DENND4C: variants seen among roughly 807,000 people sequenced by gnomAD.
The protein encoded by DENND4C is DENN domain containing 4C.
A neutral mutation model predicts 203.0 loss-of-function variants in DENND4C; 108 were observed. The observed-to-expected ratio is 0.53, with a 90% CI of 0.46 to 0.62. The LOEUF is 0.62. Among genes scored for constraint, DENND4C ranks in the 20% least tolerant of loss-of-function variants. The pLI is 0.00. For missense variants in DENND4C, 2,481 were observed against 2,301.2 expected, an observed-to-expected ratio of 1.08 and a Z score of -1.60; for synonymous variants, 871 against 792.4, an observed-to-expected ratio of 1.10 and a Z score of -1.67.
At chr9:19,282,260 A>G (rs1409783886) in intron 2 of DENND4C, among the ~76,000 whole-genome samples, 1 of 151,274 alleles carries the variant, frequency 6.6e-6, no homozygotes, top group Non-Finnish European at 1.5e-5. Flanking sequence ...TTATTCTTTT[A>G]TTTTTTATTT....
At chr9:19,326,248 T>G in intron 15 of DENND4C, 54 bp downstream of exon 15, 1 of 1,538,942 alleles carries the variant, frequency 6.5e-7, no homozygotes, top group East Asian at 2.3e-5. Flanking sequence ...TTTCTTTTAA[T>G]TTTTATTAGT....
At chr9:19,270,315 A>G (rs748983527) in intron 1 of DENND4C, among the ~76,000 whole-genome samples, 1 of 152,142 alleles carries the variant, frequency 6.6e-6, no homozygotes, top group African/African-American at 2.4e-5. Flanking sequence ...CGGGTTGTGA[A>G]TCTAGCCAGG....
rs754928464 is a variant in DENND4C, at chr9:19,346,920, A to G, written c.4151A>G (p.His1384Arg). ...TCAGCACTGGTGCGTTCTTCGCCAC[A>G]TGGCTCGTTGGGTTCTGTAGTAAAT... ...SLSALVRSSP[H>R]GSLGSVVNSL... Residue 1384 changes from histidine to arginine, a missense_variant, in exon 23 of 33, where the codon CAT becomes CGT. Transcript: ENST00000434457. 1.9e-6 allele frequency: 3 copies of G among 1,614,188 alleles called. No individual in the cohort carries two copies. Among genetic ancestry groups the G allele is most frequent in the Middle Eastern group, 1.6e-4 (1 of 6,062 alleles).
intron 12 of DENND4C, among the ~76,000 whole-genome samples, chr9:19,320,303 A>G (rs1209226413): frequency 1.3e-5 from 2 of 151,404 alleles, no homozygotes; most frequent in South Asian, 2.1e-4. Flanking sequence ...GGCTCAAGTG[A>G]TTCTCCCGCC....
chr9:19,308,957 G>A (rs1329537498), intron 10 of DENND4C, among the ~76,000 whole-genome samples: 4 of 152,094 alleles, frequency 2.6e-5, no homozygotes, highest in African/African-American at 9.7e-5. Flanking sequence ...AATGAACCTT[G>A]AAAACATTAT....
chr9:19,314,873 A>G (rs1042936716), intron 10 of DENND4C, among the ~76,000 whole-genome samples: 18 of 152,240 alleles, frequency 1.2e-4, no homozygotes, highest in African/African-American at 4.3e-4. Flanking sequence ...GGTTAAAAAA[A>G]GAATCAGGCT....
intron 1 of DENND4C, among the ~76,000 whole-genome samples, chr9:19,262,684 G>C (rs968009064): frequency 6.6e-6 from 1 of 150,770 alleles, no homozygotes; most frequent in Non-Finnish European, 1.5e-5. Context: ...CATCTGCCTC[G>C]GCCTCCCAGA....
At chr9:19,323,951 C>T (rs1588920516) in intron 12 of DENND4C, among the ~76,000 whole-genome samples, 2 of 152,268 alleles carry the variant, frequency 1.3e-5, no homozygotes, top group East Asian at 3.9e-4. Context: ...TTTCTGAGGG[C>T]TGACATTATG....
intron 22 of DENND4C, among the ~76,000 whole-genome samples, chr9:19,343,516 C>G (rs1402955649): frequency 6.6e-6 from 1 of 152,174 alleles, no homozygotes; most frequent in African/African-American, 2.4e-5. Flanking sequence ...TTAATTTGTT[C>G]AGCTTCTTAA....
intron 7 of DENND4C, among the ~76,000 whole-genome samples, chr9:19,298,664 A>C (rs186071813): frequency 6.6e-6 from 1 of 152,270 alleles, no homozygotes; most frequent in Non-Finnish European, 1.5e-5. Context: ...GATTGTCATA[A>C]AAGTTGCTTA....
intron 1 of DENND4C, among the ~76,000 whole-genome samples, chr9:19,239,208 C>G (rs1309712076): frequency 1.3e-5 from 2 of 152,020 alleles, no homozygotes; most frequent in Admixed American, 6.6e-5. Flanking sequence ...TTTTAGAACT[C>G]TCTTATTTTC....
Position 19,276,476 on chromosome 9 carries a change from T to C in DENND4C, c.302T>C (p.Ile101Thr), listed in dbSNP as rs978375022. Residue 101 changes from isoleucine to threonine, a missense_variant, in exon 2 of 33, where the codon ATT becomes ACT. By Grantham distance (89) the Ile-to-Thr change is moderately conservative (BLOSUM62 -1). This residue lies in a region of DENND4C where 187 missense variants were observed against 167.4 expected (regional missense o/e 1.12). Coordinates refer to ENST00000434457, the MANE Select transcript of DENND4C (RefSeq NM_001330640.2). ...AGAGATAAACCACCGCTTACAGATA[T>C]TGGGTATGGTGACTTCTTTTCTTTG... ...RGRDKPPLTDIGVLYEGKERL... is the reference protein window; with the variant it reads ...RGRDKPPLTDTGVLYEGKERL... 2 of 1,231,960 alleles carry C rather than the reference T, an allele frequency of 1.6e-6. No individual in the cohort carries two copies. Among genetic ancestry groups the C allele is most frequent in the Non-Finnish European group, 1.0e-6 (1 of 987,822 alleles). 76.3% of individuals were successfully genotyped at this position (1,231,960 alleles called of 1,614,324 possible).
chr9:19,278,274 T>C (rs965999054), intron 2 of DENND4C, among the ~76,000 whole-genome samples: 20 of 152,224 alleles, frequency 1.3e-4, no homozygotes, highest in Admixed American at 1.1e-3. Context: ...TAGCTAGGAT[T>C]ACAGGCGTGC....
chr9:19,368,710 G>C (rs1229518340), intron 30 of DENND4C, among the ~76,000 whole-genome samples: 2 of 152,198 alleles, frequency 1.3e-5, no homozygotes, highest in Non-Finnish European at 2.9e-5. Flanking sequence ...TGAAGCAGGA[G>C]GATTGCTTGA....
intron 29 of DENND4C, 27 bp downstream of exon 29, chr9:19,360,516 T>G: frequency 6.2e-7 from 1 of 1,613,534 alleles, no homozygotes; most frequent in Non-Finnish European, 8.5e-7. Context: ...TATACTTACA[T>G]TAGTATTCAG....
chr9:19,321,960 G>A (rs1034990912), intron 12 of DENND4C, among the ~76,000 whole-genome samples: 3 of 152,094 alleles, frequency 2.0e-5, no homozygotes, highest in African/African-American at 7.2e-5. Context: ...CATATCCACT[G>A]TAAAAAGGCA....
chr9:19,367,363 C>G (rs529752901), intron 30 of DENND4C, among the ~76,000 whole-genome samples: 1 of 152,332 alleles, frequency 6.6e-6, no homozygotes, highest in East Asian at 1.9e-4. Context: ...GAAATGATGT[C>G]CACATGAAAA....
chr9:19,239,775 C>T (rs756346259), intron 1 of DENND4C, among the ~76,000 whole-genome samples: 2 of 152,222 alleles, frequency 1.3e-5, no homozygotes, highest in African/African-American at 2.4e-5. Flanking sequence ...CGTGAGCCAC[C>T]GTGCCCAGCC....
intron 16 of DENND4C, among the ~76,000 whole-genome samples, 199 bp from the exon 17 acceptor site, chr9:19,331,779 A>G (rs937778248): frequency 6.6e-6 from 1 of 152,210 alleles, no homozygotes; most frequent in African/African-American, 2.4e-5. Flanking sequence ...TTGGTATAGT[A>G]TGAAGTATTA....
Sources: allele counts gnomAD v4.1 joint callset (sites outside exome capture counted in the v4.1 genomes callset), GRCh38; gene constraint gnomAD v4.1.1; regional missense constraint gnomAD v4.1.1; transcripts MANE v1.5; gene names NCBI Gene and HGNC (gene_info 2026-07-23, HGNC 2026-07-21).